Variants in AKR7A2 observed in about 807,000 individuals in gnomAD.
The protein encoded by AKR7A2 is aflatoxin B1 aldehyde reductase member 2.
In AKR7A2, 29 loss-of-function variants were observed where a neutral mutation model predicts 37.3. The observed-to-expected ratio is 0.78, with a 90% CI of 0.58 to 1.06. The LOEUF (loss-of-function observed/expected upper bound fraction) is 1.06, where lower values mean the gene tolerates loss of function less well. Among genes scored for constraint, AKR7A2 ranks in the 50% least tolerant of loss-of-function variants. The probability of loss-of-function intolerance (pLI) is 0.00; values close to 1 mark genes in which losing one functional copy is unlikely to be tolerated. For synonymous variants in AKR7A2, 228 were observed against 217.8 expected (o/e 1.05, Z -0.41); for missense variants, 529 against 497.9 (o/e 1.06, Z -0.59).
In AKR7A2 at chr1:19,304,156, A is replaced by C. The variant is rs2093756874; in HGVS notation, c.*69T>G. ...AACCCTTCTAAGTCAGCTTAAGGCC[A>C]AGACTGGTCAGTGTGAGAGAACAAA... On this transcript the variant is annotated 3_prime_UTR_variant, in exon 7 of 7. Transcript: ENST00000235835. 1 of 1,612,716 alleles carries C rather than the reference A, an allele frequency of 6.2e-7. No individual in the cohort carries two copies. Among genetic ancestry groups the C allele is most frequent in the Non-Finnish European group, 8.5e-7 (1 of 1,178,818 alleles).
Position 19,307,400 on chromosome 1 carries a change from T to C in AKR7A2, c.602A>G (p.Asn201Ser), listed in dbSNP as rs763949185. Residue 201 changes from asparagine to serine, a missense_variant, in exon 4 of 7, where the codon AAC becomes AGC. Transcript: ENST00000235835. ...ILPTVYQGMY[N>S]ATTRQVETEL... The stretch of plus-strand genomic sequence containing the variant: ...CGTTTCCACCTGCCGGGTGGTGGCG[T>C]TGTACATGCCCTGCAGGGAGAGGGA... 9 of 1,614,104 alleles carry C rather than the reference T, an allele frequency of 5.6e-6. No homozygotes were observed. The highest frequency in any genetic ancestry group is 4.2e-6 in the Non-Finnish European group (5 of 1,179,986).
chr1:19,309,640 G>C (rs574264610), intron 1 of AKR7A2, among the ~76,000 whole-genome samples: 6 of 152,298 alleles, frequency 3.9e-5, no homozygotes, highest in African/African-American at 1.4e-4. Flanking sequence ...TGTTGGTCCA[G>C]ATGTAGTGGC....
At chr1:19,307,719 C>A in intron 3 of AKR7A2, 1 of 520,136 alleles carries the variant, frequency 1.9e-6, no homozygotes, top group Non-Finnish European at 3.5e-6. Flanking sequence ...ACAAGGAAGG[C>A]AGTTAATTAC....
At chr1:19,311,737 GC>G in intron 1 of AKR7A2, 89 bp downstream of exon 1, 1 of 1,543,640 alleles carries the variant, frequency 6.5e-7, no homozygotes, top group Non-Finnish European at 8.8e-7. Context: ...CGTCGGTGCT[GC>G]CCGCGGCCGG....
chr1:19,307,031 C>A lies in AKR7A2; in HGVS notation c.759G>T (p.Gly253=), dbSNP rs771092024. ...TCCTGTAGGTCTCAGCCCAGCTATT[C>A]CCAAAGAAGCGGCCCACAGGCTGTT... ...DGKQPVGRFF[G]NSWAETYRNR... is the part of the protein sequence containing the mutation. Residue 253 remains glycine (G), a synonymous_variant, in exon 5 of 7, where the codon GGG becomes GGT. Coordinates refer to ENST00000235835, the MANE Select transcript of AKR7A2 (RefSeq NM_003689.4). The A allele has an allele frequency of 1.2e-6, 2 of 1,614,176 alleles. No homozygotes were observed.
At chr1:19,308,731 C>T (rs1014576407) in intron 1 of AKR7A2, 89 bp from the exon 2 acceptor site, 2 of 1,304,954 alleles carry the variant, frequency 1.5e-6, no homozygotes, top group African/African-American at 2.9e-5. Context: ...TTCTCTTGGC[C>T]TCAATTGTAT....
intron 5 of AKR7A2, among the ~76,000 whole-genome samples, chr1:19,306,659 T>G (rs1189097314): frequency 6.6e-6 from 1 of 151,782 alleles, no homozygotes; most frequent in Non-Finnish European, 1.5e-5. Context: ...CTTGAACTCA[T>G]GAGCTCAAGT....
chr1:19,305,892 C>T, intron 6 of AKR7A2, 126 bp downstream of exon 6: 3 of 1,496,208 alleles, frequency 2.0e-6, no homozygotes, highest in African/African-American at 1.4e-5. Flanking sequence ...GGGAAGAGTG[C>T]TTATGAGAAT....
chr1:19,312,118 T>C lies in AKR7A2; in HGVS notation c.7A>G (p.Ser3Gly). MLSAASRVVSRAA... is the reference protein window; with the variant it reads MLGAASRVVSRAA... ...CGGGAGACTACGCGAGACGCGGCAC[T>C]CAGCATAGCAGCGGCGCCTGCGCGT... Residue 3 changes from serine (S) to glycine (G), a missense_variant, in exon 1 of 7, where the codon AGT becomes GGT. By Grantham distance (56) the Ser-to-Gly change is moderately conservative (BLOSUM62 0). Transcript: ENST00000235835. 7.6e-7 allele frequency: 1 copy of C among 1,308,582 alleles called. No homozygotes were observed. The highest frequency in any genetic ancestry group is 9.6e-7 in the Non-Finnish European group (1 of 1,038,684). The allele number at this position is 1,308,582 out of a possible 1,614,324, so 81.1% of individuals were successfully genotyped here. A position where few individuals can be genotyped will look rare whatever the true frequency, so the allele number is the denominator to read the frequency against.
chr1:19,302,759 C>T (rs983480500), downstream of AKR7A2, among the ~76,000 whole-genome samples: 26 of 149,774 alleles, frequency 1.7e-4, no homozygotes, highest in African/African-American at 5.7e-4. Context: ...GGCATGATCT[C>T]GGCCCACTGC....
chr1:19,304,197 G>A lies in AKR7A2; in HGVS notation c.*28C>T, dbSNP rs1558137509. On this transcript the variant is annotated 3_prime_UTR_variant, in exon 7 of 7. Coordinates refer to ENST00000235835, the MANE Select transcript of AKR7A2 (RefSeq NM_003689.4). ...AGAGAACAAAAGAGGTGACAGAAAA[G>A]CCTTGGGCAGCCTGAGCCATGATGG... 3 of 1,614,216 alleles carry A rather than the reference G, an allele frequency of 1.9e-6. No homozygotes were observed. Among genetic ancestry groups the A allele is most frequent in the Non-Finnish European group, 2.5e-6 (3 of 1,180,042 alleles).
At chr1:19,306,860 G>C in intron 5 of AKR7A2, 142 bp downstream of exon 5, 1 of 761,098 alleles carries the variant, frequency 1.3e-6, no homozygotes, top group Non-Finnish European at 2.3e-6. Flanking sequence ...AACCCACAGA[G>C]GGCTTGGGAA....
Position 19,304,279 on chromosome 1 carries a change from G to C in AKR7A2, c.1026C>G (p.Ala342=), listed in dbSNP as rs375604690. ...CAACCAAATGCCAGGCTTGATTAAA[G>C]GCATCCACGACAGCCGGCTCCAGGG... ...EGPLEPAVVD[A]FNQAWHLVAH... Residue 342 remains alanine, a synonymous_variant, in exon 7 of 7, where the codon GCC becomes GCG. Coordinates refer to ENST00000235835, the MANE Select transcript of AKR7A2 (RefSeq NM_003689.4). The C allele has an allele frequency of 2.3e-5, 37 of 1,613,942 alleles. No homozygotes were observed. Among genetic ancestry groups the C allele is most frequent in the Non-Finnish European group, 3.0e-5 (35 of 1,180,022 alleles).
intron 5 of AKR7A2, among the ~76,000 whole-genome samples, 182 bp from the exon 6 acceptor site, chr1:19,306,329 C>T (rs2093761636): frequency 6.6e-6 from 1 of 152,152 alleles, no homozygotes; most frequent in Admixed American, 6.5e-5. Context: ...GATGCTGGGC[C>T]CCTCAGCAGA....
chr1:19,307,286 G>A, intron 4 of AKR7A2, 28 bp downstream of exon 4: 1 of 1,612,514 alleles, frequency 6.2e-7, no homozygotes, highest in Non-Finnish European at 8.5e-7. Flanking sequence ...GGAATAGGCT[G>A]AGACAGGGTC....
At chr1:19,302,940 G>A (rs1302265329), downstream of AKR7A2, among the ~76,000 whole-genome samples, 1 of 152,132 alleles carries the variant, frequency 6.6e-6, no homozygotes, top group Non-Finnish European at 1.5e-5. Context: ...TGATCTGCCT[G>A]CTTTGGGCTC....
intron 1 of AKR7A2, among the ~76,000 whole-genome samples, chr1:19,309,548 C>T (rs941953092): frequency 1.3e-5 from 2 of 152,210 alleles, no homozygotes; most frequent in African/African-American, 4.8e-5. Context: ...GGACACATCG[C>T]TATGACAACA....
At chr1:19,305,747 T>C (rs949127223) in intron 6 of AKR7A2, among the ~76,000 whole-genome samples, 1 of 152,220 alleles carries the variant, frequency 6.6e-6, no homozygotes, top group Non-Finnish European at 1.5e-5. Context: ...GCCACTTTAA[T>C]AGCTGGGTGA....
rs1467110528 is a variant in AKR7A2 at position 19,311,906 on chromosome 1, C to T, written c.219G>A (p.Thr73=). The stretch of plus-strand genomic sequence containing the variant: ...ACTGGCCGTCGCTGTACATGAAGGC[C>T]GTGTCCAGTTCGGTGTGGCCGCGCT... ...FLERGHTELD[T]AFMYSDGQSE... The change falls in exon 1 of 7, where the codon ACG becomes ACA. Residue 73 remains threonine (T), a synonymous_variant. Coordinates refer to ENST00000235835, the MANE Select transcript of AKR7A2 (RefSeq NM_003689.4). 1.2e-6 allele frequency: 2 copies of T among 1,610,472 alleles called. No homozygotes were observed. Among genetic ancestry groups the T allele is most frequent in the Admixed American group, 1.7e-5 (1 of 59,902 alleles).
Sources: allele counts gnomAD v4.1 joint callset (sites outside exome capture counted in the v4.1 genomes callset), GRCh38; gene constraint gnomAD v4.1.1; transcripts MANE v1.5; gene names NCBI Gene and HGNC (gene_info 2026-07-23, HGNC 2026-07-21).